TAFA1: variants seen among roughly 807,000 people sequenced by gnomAD.
TAFA1 encodes chemokine-like protein TAFA-1.
TAFA1 carries 4 observed loss-of-function variants against 18.5 expected under a neutral mutation model. The ratio of observed to expected loss-of-function variants is 0.22; its 90% CI spans 0.11 to 0.49. The LOEUF (loss-of-function observed/expected upper bound fraction) is 0.49, where lower values mean the gene tolerates loss of function less well. Among genes scored for constraint, TAFA1 ranks in the 20% least tolerant of loss-of-function variants. The probability of loss-of-function intolerance (pLI) is 0.98; values close to 1 mark genes in which losing one functional copy is unlikely to be tolerated. For synonymous variants in TAFA1, 56 were observed against 55.2 expected (o/e 1.01, Z -0.06); for missense variants, 147 against 169.0 (o/e 0.87, Z 0.72).
At chr3:68,046,198 T>G (rs576830596) in intron 2 of TAFA1, among the ~76,000 whole-genome samples, 1 of 152,302 alleles carries the variant, frequency 6.6e-6, no homozygotes, top group East Asian at 1.9e-4. Context: ...AAATCCATAT[T>G]TTTATTTAGT....
At chr3:68,292,620 G>T (rs1305665703) in intron 2 of TAFA1, among the ~76,000 whole-genome samples, 1 of 152,070 alleles carries the variant, frequency 6.6e-6, no homozygotes, top group East Asian at 1.9e-4. Context: ...TCGAATTCCT[G>T]GGCTCAAGTG....
At chr3:68,038,420 C>A (rs924581432) in intron 2 of TAFA1, among the ~76,000 whole-genome samples, 1 of 152,258 alleles carries the variant, frequency 6.6e-6, no homozygotes, top group Admixed American at 6.5e-5. Context: ...AACAGTTTGT[C>A]CAGTGCTTTG....
intron 1 of TAFA1, among the ~76,000 whole-genome samples, chr3:68,005,192 G>C (rs1161723172): frequency 6.6e-6 from 1 of 152,186 alleles, no homozygotes; most frequent in Admixed American, 6.5e-5. Flanking sequence ...GAGGGGTGTT[G>C]CTGTTTATTT....
chr3:68,189,403 T>C (rs941221223), intron 2 of TAFA1, among the ~76,000 whole-genome samples: 1 of 151,844 alleles, frequency 6.6e-6, no homozygotes, highest in African/African-American at 2.4e-5. Context: ...ATTTTTAAAA[T>C]TTTTGGCTCT....
intron 2 of TAFA1, among the ~76,000 whole-genome samples, chr3:68,011,396 T>C (rs1205568265): frequency 6.6e-6 from 1 of 152,180 alleles, no homozygotes; most frequent in Non-Finnish European, 1.5e-5. Flanking sequence ...GATTTAAAGC[T>C]ATATTAAGCA....
Position 68,501,047 on chromosome 3 carries a change from C to T in TAFA1, c.260-37709C>T, listed in dbSNP as rs1424300720. On this transcript the variant is annotated intron_variant, in intron 3 of 4. Coordinates refer to ENST00000478136, the MANE Select transcript of TAFA1 (RefSeq NM_213609.4). ...GCAAGCGCCTATAGTCCCAGCTACTCGGGAGGCTGAGGCACGAGAATCACT... is the reference window on the plus strand; with the variant it reads ...GCAAGCGCCTATAGTCCCAGCTACTTGGGAGGCTGAGGCACGAGAATCACT... 2.0e-5 allele frequency among the ~76,000 whole-genome samples: 3 copies of T among 149,276 alleles called. No individual in the cohort carries two copies. The East Asian group carries it at 6.3e-4, about 31-fold the overall frequency.
intron 3 of TAFA1, among the ~76,000 whole-genome samples, chr3:68,500,404 A>G (rs552884526): frequency 6.6e-6 from 1 of 152,314 alleles, no homozygotes; most frequent in East Asian, 1.9e-4. Flanking sequence ...CTTCTCAGAC[A>G]TAAAATTCCC....
intron 2 of TAFA1, among the ~76,000 whole-genome samples, chr3:68,177,340 A>G (rs545321310): frequency 6.6e-6 from 1 of 152,280 alleles, no homozygotes; most frequent in Admixed American, 6.5e-5. Flanking sequence ...TGAGATTCAC[A>G]CTTGACTTCT....
intron 2 of TAFA1, among the ~76,000 whole-genome samples, chr3:68,017,094 A>G (rs574088545): frequency 6.0e-4 from 91 of 152,354 alleles, no homozygotes; most frequent in African/African-American, 2.1e-3. Context: ...AATATGTGGC[A>G]TAGCAAAAAG....
In TAFA1 at chr3:68,545,165, A is replaced by T. The variant is rs149720279; in HGVS notation, c.*662A>T. On this transcript the variant is annotated 3_prime_UTR_variant, in exon 5 of 5. Transcript: ENST00000478136. ...ATATTAGCATGCAAGCTTGGCTTAC[A>T]TAGTCATACTTTATATTCAATTGAT... The T allele has an allele frequency of 6.6e-6, 1 of 152,590 alleles. No homozygotes were observed. The highest frequency in any genetic ancestry group is 2.4e-5 in the African/African-American group (1 of 41,456). The allele number at this position is 152,590 out of a possible 1,614,324, so 9.5% of individuals were successfully genotyped here. A position where few individuals can be genotyped will look rare whatever the true frequency, so the allele number is the denominator to read the frequency against.
At chr3:68,471,560 G>A (rs1243961869) in intron 3 of TAFA1, among the ~76,000 whole-genome samples, 3 of 152,066 alleles carry the variant, frequency 2.0e-5, no homozygotes, top group Non-Finnish European at 4.4e-5. Context: ...GACGTTCAAG[G>A]GCAAGAAGCA....
intron 2 of TAFA1, among the ~76,000 whole-genome samples, chr3:68,259,911 T>G (rs1266520303): frequency 1.3e-5 from 2 of 152,046 alleles, no homozygotes; most frequent in East Asian, 1.9e-4. Context: ...CCTCTTTTCC[T>G]AATTGAATAC....
intron 2 of TAFA1, among the ~76,000 whole-genome samples, chr3:68,367,290 G>T (rs926290783): frequency 1.3e-5 from 2 of 152,182 alleles, no homozygotes; most frequent in Non-Finnish European, 2.9e-5. Flanking sequence ...TCATTCTTCA[G>T]TAATCTCAAC....
chr3:68,375,580 A>C (rs768323930), intron 2 of TAFA1, among the ~76,000 whole-genome samples: 5 of 152,226 alleles, frequency 3.3e-5, no homozygotes, highest in Non-Finnish European at 5.9e-5. Flanking sequence ...AGATTAACTT[A>C]TAGATGATTT....
chr3:68,053,529 G>A (rs1221238360), intron 2 of TAFA1, among the ~76,000 whole-genome samples: 20 of 151,812 alleles, frequency 1.3e-4, no homozygotes, highest in Admixed American at 2.6e-4. Context: ...GTATTTTAAT[G>A]TATCTATTTA....
At chr3:68,424,809 A>G (rs2071021871) in intron 3 of TAFA1, among the ~76,000 whole-genome samples, 1 of 152,020 alleles carries the variant, frequency 6.6e-6, no homozygotes. Context: ...AGCTTATTAA[A>G]CTTGAACACA....
chr3:68,383,233 G>A (rs1162127438), intron 2 of TAFA1, among the ~76,000 whole-genome samples: 1 of 150,880 alleles, frequency 6.6e-6, no homozygotes, highest in African/African-American at 2.4e-5. Flanking sequence ...TTGAATAGGA[G>A]TGGTCAGAGA....
chr3:68,022,728 T>C, intron 2 of TAFA1, among the ~76,000 whole-genome samples: 1 of 149,758 alleles, frequency 6.7e-6, no homozygotes. Context: ...TGCTTGTAAA[T>C]GCATTGAGGG....
intron 3 of TAFA1, among the ~76,000 whole-genome samples, chr3:68,422,812 A>G (rs2070981500): frequency 1.3e-5 from 2 of 152,100 alleles, no homozygotes; most frequent in African/African-American, 4.8e-5. Context: ...CACTATTCTG[A>G]AGGAATGTAA....
Sources: allele counts gnomAD v4.1 joint callset (sites outside exome capture counted in the v4.1 genomes callset), GRCh38; gene constraint gnomAD v4.1.1; transcripts MANE v1.5; gene names NCBI Gene and HGNC (gene_info 2026-07-23, HGNC 2026-07-21).